Variants in ZNF335 observed in about 807,000 individuals in gnomAD.
The protein encoded by ZNF335 is zinc finger protein 335.
Under a neutral mutation model 145.6 loss-of-function variants are expected in ZNF335, and 84 were observed. That is an observed-to-expected ratio of 0.58 (90% confidence interval 0.48 to 0.69). The LOEUF is 0.69. ZNF335 is among the 30% of genes least tolerant of loss of function. The probability of loss-of-function intolerance (pLI) is 0.00; values close to 1 mark genes in which losing one functional copy is unlikely to be tolerated. For synonymous variants in ZNF335, 761 were observed against 717.0 expected, an observed-to-expected ratio of 1.06 and a Z score of -0.98; for missense variants, 1,865 against 1,809.7, an observed-to-expected ratio of 1.03 and a Z score of -0.55.
chr20:45,967,968 C>T lies in ZNF335; in HGVS notation c.580G>A (p.Glu194Lys). Residue 194 changes from glutamate to lysine, a missense_variant, in exon 5 of 28, where the codon GAG (glutamate) becomes AAG (lysine). Physicochemically the swap from Glu to Lys is moderately conservative, Grantham distance 56. Transcript: ENST00000322927. ...GATGTGGGGCCATCTGCCAGGGCCT[C>T]AATGGCTGCTAGGCTGTGGGCCAAG... ...STLAHSLAAIEALADGPTSTS... is the reference protein window; with the variant it reads ...STLAHSLAAIKALADGPTSTS... The T allele has an allele frequency of 6.2e-7, 1 of 1,612,840 alleles. No individual in the cohort carries two copies. Among genetic ancestry groups the T allele is most frequent in the Non-Finnish European group, 8.5e-7 (1 of 1,180,044 alleles).
chr20:45,971,782 T>C (rs1292225292), intron 1 of ZNF335: 1 of 984,950 alleles, frequency 1.0e-6, no homozygotes, highest in Non-Finnish European at 1.2e-6. Flanking sequence ...GGCCCCCGCG[T>C]CCCCCCGGGT....
Position 45,948,909 on chromosome 20 carries a change from G to C in ZNF335, c.*44C>G, listed in dbSNP as rs374286777. 1.7e-4 allele frequency: 274 copies of C among 1,612,972 alleles called. No homozygotes were observed. Among genetic ancestry groups the C allele is most frequent in the Non-Finnish European group, 2.3e-4 (272 of 1,179,938 alleles). ...AGTCCTGGTGGCCCCCTACCCCCAG[G>C]AGAGCTGGCCGCAAATCCATGATCT... On this transcript the variant is annotated 3_prime_UTR_variant, in exon 28 of 28. Coordinates refer to ENST00000322927, the MANE Select transcript of ZNF335 (RefSeq NM_022095.4).
intron 15 of ZNF335, among the ~76,000 whole-genome samples, chr20:45,958,694 G>A (rs1181405263): frequency 6.6e-6 from 1 of 152,210 alleles, no homozygotes; most frequent in Non-Finnish European, 1.5e-5. Context: ...GTGGCCACAT[G>A]ACTAAGCAAC....
intron 18 of ZNF335, 145 bp from the exon 19 acceptor site, chr20:45,952,854 G>A: frequency 3.1e-6 from 2 of 649,884 alleles, no homozygotes; most frequent in Non-Finnish European, 5.3e-6. Flanking sequence ...GCTCTGCCCT[G>A]TTACCAAATG....
chr20:45,965,483 C>T, intron 7 of ZNF335, 145 bp downstream of exon 7: 1 of 936,260 alleles, frequency 1.1e-6, no homozygotes, highest in South Asian at 2.0e-5. Flanking sequence ...AGGGCTTTCC[C>T]CTTTCCCTGG....
rs1480979285 is a variant in ZNF335 at position 45,963,647 on chromosome 20, G to A, written c.1359C>T (p.Tyr453=). ...RRFLGKKYRK[Y]YYKSPKPLLR... is the part of the protein sequence containing the mutation. ...AAAGTGGTTTGGGCGACTTGTAATAGTACCTGCAGGATGAGAGTGTGGCGG... is the reference window on the plus strand; with the variant it reads ...AAAGTGGTTTGGGCGACTTGTAATAATACCTGCAGGATGAGAGTGTGGCGG... Residue 453 remains tyrosine, a synonymous_variant, in exon 9 of 28, where the codon TAC becomes TAT. Coordinates refer to ENST00000322927, the MANE Select transcript of ZNF335 (RefSeq NM_022095.4). 1 of 1,614,040 alleles carries A rather than the reference G, an allele frequency of 6.2e-7. No individual in the cohort carries two copies. The highest frequency in any genetic ancestry group is 1.3e-5 in the African/African-American group (1 of 74,938).
chr20:45,970,400 A>G (rs1259235802), intron 2 of ZNF335, among the ~76,000 whole-genome samples: 1 of 152,244 alleles, frequency 6.6e-6, no homozygotes, highest in East Asian at 1.9e-4. Context: ...AATGGCTAAT[A>G]CTTACTGAGT....
chr20:45,959,190 C>T lies in ZNF335; in HGVS notation c.2253+11G>A. ...CTCACTCTGTCATCCTGACCCATGC[C>T]CCGACCTTACCTCAGGAGGTCCTGG... On this transcript the variant is annotated intron_variant, in intron 15 of 27. Coordinates refer to ENST00000322927, the MANE Select transcript of ZNF335 (RefSeq NM_022095.4). 1 of 1,362,618 alleles carries T rather than the reference C, an allele frequency of 7.3e-7. No homozygotes were observed. The highest frequency in any genetic ancestry group is 1.5e-5 in the African/African-American group (1 of 67,082). 84.4% of individuals were successfully genotyped at this position (1,362,618 alleles called of 1,614,324 possible). A position where few individuals can be genotyped will look rare whatever the true frequency, so the allele number is the denominator to read the frequency against.
At position 45,969,481 on chromosome 20, in the gene ZNF335, C is replaced by T. The variant is rs774672009; in HGVS notation, c.412G>A (p.Glu138Lys). The T allele has an allele frequency of 9.0e-6, 14 of 1,558,784 alleles. No homozygotes were observed. The highest frequency in any genetic ancestry group is 2.3e-5 in the East Asian group (1 of 43,874). Reference protein sequence around the residue: ...DLGSAIDKIIESTIGPDLIQN... With the variant: ...DLGSAIDKIIKSTIGPDLIQN... ...ATGAGGTCGGGCCCGATGGTGGACT[C>T]GATGATCTTGTCGATGGCCGAGCCC... The change falls in exon 3 of 28, where the codon GAG (glutamate) becomes AAG (lysine). Residue 138 changes from glutamate to lysine, a missense_variant. Glu to Lys is a moderately conservative substitution (Grantham distance 56). Transcript: ENST00000322927.
intron 17 of ZNF335, among the ~76,000 whole-genome samples, chr20:45,955,361 A>AAAAAAAAAAAAG (rs1235350370): frequency 2.7e-5 from 4 of 149,350 alleles, no homozygotes; most frequent in African/African-American, 9.8e-5. Flanking sequence ...AAAAAAAAAA[A>AAAAAAAAAAAAG]AAAAAAAAAG....
intron 7 of ZNF335, 117 bp from the exon 8 acceptor site, chr20:45,964,107 G>A: frequency 8.0e-7 from 1 of 1,257,762 alleles, no homozygotes; most frequent in Non-Finnish European, 1.1e-6. Flanking sequence ...ACCACTGATG[G>A]GTGCATTGAG....
chr20:45,949,782 C>G lies in ZNF335; in HGVS notation c.3669+18G>C. 6.2e-7 allele frequency: 1 copy of G among 1,613,790 alleles called. No individual in the cohort carries two copies. The highest frequency in any genetic ancestry group is 2.2e-5 in the East Asian group (1 of 44,894). The stretch of plus-strand genomic sequence containing the variant: ...AGGAGGTCACAGCTGAGGGGATTAA[C>G]AGTAGCTAGTAGCTCACCTGGTTGT... On this transcript the variant is annotated intron_variant, in intron 24 of 27. Coordinates refer to ENST00000322927, the MANE Select transcript of ZNF335 (RefSeq NM_022095.4).
intron 18 of ZNF335, among the ~76,000 whole-genome samples, chr20:45,953,185 G>A (rs1412907329): frequency 6.6e-6 from 1 of 152,212 alleles, no homozygotes; most frequent in Non-Finnish European, 1.5e-5. Flanking sequence ...TTCCTCAGAT[G>A]GCCTAAGAGT....
At chr20:45,965,512 G>T in intron 7 of ZNF335, 116 bp downstream of exon 7, 1 of 1,313,894 alleles carries the variant, frequency 7.6e-7, no homozygotes, top group Non-Finnish European at 1.0e-6. Flanking sequence ...AGGTGACCCG[G>T]TTTGAGACAG....
chr20:45,967,982 C>T lies in ZNF335; in HGVS notation c.566G>A (p.Ser189Asn). ...SPMSSSTLAH[S>N]LAAIEALADG... ...TGCCAGGGCCTCAATGGCTGCTAGG[C>T]TGTGGGCCAAGGTGGAACTGGACAT... Residue 189 changes from serine (S) to asparagine (N), a missense_variant, in exon 5 of 28, where the codon AGC becomes AAC. Transcript: ENST00000322927. The T allele has an allele frequency of 1.9e-6, 3 of 1,612,792 alleles. No homozygotes were observed. The highest frequency in any genetic ancestry group is 2.5e-6 in the Non-Finnish European group (3 of 1,180,036).
intron 10 of ZNF335, chr20:45,961,380 G>A (rs2083840595): frequency 6.4e-6 from 1 of 155,550 alleles, no homozygotes; most frequent in Non-Finnish European, 1.4e-5. Flanking sequence ...GACAGAGTGA[G>A]ACCCTGTCAA....
chr20:45,956,289 C>A (rs1375776135), intron 17 of ZNF335, among the ~76,000 whole-genome samples: 4 of 151,044 alleles, frequency 2.6e-5, no homozygotes, highest in Admixed American at 6.6e-5. Context: ...AGTGCAATGG[C>A]GCAATCTCGG....
chr20:45,967,376 G>A, intron 6 of ZNF335, 118 bp downstream of exon 6: 1 of 1,507,444 alleles, frequency 6.6e-7, no homozygotes, highest in Non-Finnish European at 9.1e-7. Flanking sequence ...GTCTTATACT[G>A]GAGGGACCTG....
chr20:45,969,862 G>C (rs2084027870), intron 2 of ZNF335, 171 bp from the exon 3 acceptor site: 2 of 790,688 alleles, frequency 2.5e-6, no homozygotes, highest in Non-Finnish European at 3.7e-6. Flanking sequence ...TCCAGTCACA[G>C]AGTCCCCCAG....
Sources: allele counts gnomAD v4.1 joint callset (sites outside exome capture counted in the v4.1 genomes callset), GRCh38; gene constraint gnomAD v4.1.1; transcripts MANE v1.5; gene names NCBI Gene and HGNC (gene_info 2026-07-23, HGNC 2026-07-21).